The following ASTN2 variants were observed in gnomAD, a reference collection of about 807,000 sequenced individuals.
The protein encoded by ASTN2 is astrotactin 2.
A neutral mutation model predicts 139.8 loss-of-function variants in ASTN2; 54 were observed. The ratio of observed to expected loss-of-function variants is 0.39; its 90% CI spans 0.31 to 0.48. The LOEUF (loss-of-function observed/expected upper bound fraction) is 0.48, where lower values mean the gene tolerates loss of function less well. Among genes scored for constraint, ASTN2 ranks in the 20% least tolerant of loss-of-function variants. The pLI is 0.95. For missense variants in ASTN2, 1,565 were observed against 1,725.1 expected (o/e 0.91, Z 1.64); for synonymous variants, 756 against 719.5 (o/e 1.05, Z -0.81).
chr9:116,686,102 T>A (rs994708203), intron 16 of ASTN2, among the ~76,000 whole-genome samples: 2 of 152,236 alleles, frequency 1.3e-5, no homozygotes, highest in Non-Finnish European at 2.9e-5. Context: ...CAAACTACCA[T>A]AATCTTGGCT....
intron 6 of ASTN2, among the ~76,000 whole-genome samples, chr9:117,020,360 T>C (rs1230518698): frequency 6.6e-6 from 1 of 151,800 alleles, no homozygotes; most frequent in Non-Finnish European, 1.5e-5. Flanking sequence ...TTTTGGTCTC[T>C]AGCTAATTGC....
chr9:117,338,931 T>C lies in ASTN2; in HGVS notation c.443-47418A>G, dbSNP rs1485140700. 3.3e-5 allele frequency among the ~76,000 whole-genome samples: 5 copies of C among 152,208 alleles called. No homozygotes were observed. In the East Asian group the frequency reaches 9.7e-4, roughly 29 times the overall value. Reference sequence around the variant, plus strand: ...CGTAATTTTAGTCCCCCAGCTTTGATTGCTATCTCTCATCAACCACATGAG... The same window carrying C: ...CGTAATTTTAGTCCCCCAGCTTTGACTGCTATCTCTCATCAACCACATGAG... On this transcript the variant is annotated intron_variant, in intron 1 of 22. Transcript: ENST00000313400.
At chr9:117,258,526 G>A (rs1833745178) in intron 2 of ASTN2, among the ~76,000 whole-genome samples, 1 of 152,198 alleles carries the variant, frequency 6.6e-6, no homozygotes, top group Non-Finnish European at 1.5e-5. Context: ...ACCGGGTTAT[G>A]TAAGGGGAGC....
intron 1 of ASTN2, among the ~76,000 whole-genome samples, chr9:117,308,463 C>G (rs1267661049): frequency 6.6e-6 from 1 of 152,166 alleles, no homozygotes; most frequent in East Asian, 1.9e-4. Flanking sequence ...AGCACATCTG[C>G]TTGCCTCAAA....
At chr9:116,552,034 C>T (rs1033982578) in intron 19 of ASTN2, 1 of 152,176 alleles carries the variant, frequency 6.6e-6, no homozygotes, top group Non-Finnish European at 1.5e-5. Context: ...TATACATACA[C>T]ATATACATAT....
Position 117,107,021 on chromosome 9 carries a change from A to G in ASTN2, c.1169-10870T>C, listed in dbSNP as rs540734281. The stretch of plus-strand genomic sequence containing the variant: ...CTGGTGATTTTCTCTGAATATTGAG[A>G]TATTCTTCTTATCTTTTTTCCTTTT... On this transcript the variant is annotated intron_variant, in intron 4 of 22. Coordinates refer to ENST00000313400, the MANE Select transcript of ASTN2 (RefSeq NM_001365068.1). Among the ~76,000 whole-genome samples, 5 of 152,212 alleles carry G rather than the reference A, an allele frequency of 3.3e-5. No individual in the cohort carries two copies. In the South Asian group the frequency reaches 1.0e-3, roughly 32 times the overall value.
intron 19 of ASTN2, among the ~76,000 whole-genome samples, chr9:116,505,861 T>G (rs1025146836): frequency 6.6e-6 from 1 of 152,108 alleles, no homozygotes; most frequent in Admixed American, 6.5e-5. Flanking sequence ...ACATCCTCAG[T>G]CTGGAGCAGT....
intron 6 of ASTN2, among the ~76,000 whole-genome samples, chr9:117,015,975 C>G (rs1188788896): frequency 6.6e-6 from 1 of 152,072 alleles, no homozygotes; most frequent in Non-Finnish European, 1.5e-5. Flanking sequence ...TCCTTAACCA[C>G]CTCCCACCCA....
At chr9:116,509,922 G>A (rs1481490384) in intron 19 of ASTN2, among the ~76,000 whole-genome samples, 1 of 152,136 alleles carries the variant, frequency 6.6e-6, no homozygotes, top group Non-Finnish European at 1.5e-5. Context: ...TGTCAGACAG[G>A]TAGATTGCAA....
chr9:117,344,647 G>A (rs188937549), intron 1 of ASTN2, among the ~76,000 whole-genome samples: 49 of 152,238 alleles, frequency 3.2e-4, no homozygotes, highest in African/African-American at 9.1e-4. Context: ...TTTCTCTTAT[G>A]CAATTCATCT....
At chr9:116,712,104 A>G (rs1039877768) in intron 16 of ASTN2, among the ~76,000 whole-genome samples, 1 of 152,164 alleles carries the variant, frequency 6.6e-6, no homozygotes, top group Non-Finnish European at 1.5e-5. Flanking sequence ...TTCTAGGTTT[A>G]TCTTACCACC....
At position 116,863,752 on chromosome 9, in the gene ASTN2, G is replaced by T. The variant is rs1272109748; in HGVS notation, c.1890-19C>A. The T allele has an allele frequency of 2.5e-6, 4 of 1,596,266 alleles. No homozygotes were observed. Among genetic ancestry groups the T allele is most frequent in the Non-Finnish European group, 2.6e-6 (3 of 1,167,958 alleles). On this transcript the variant is annotated intron_variant, in intron 10 of 22. Transcript: ENST00000313400. ...TTCTTCCCTTGGAGAGAAAGGGGAT[G>T]GTTAAACCCCAGAGACATTTGGATC...
intron 1 of ASTN2, among the ~76,000 whole-genome samples, chr9:117,310,004 C>A (rs1392901908): frequency 1.3e-5 from 2 of 152,148 alleles, no homozygotes; most frequent in East Asian, 3.9e-4. Context: ...CTTTTCCTTT[C>A]TGAGCCTGTT....
intron 5 of ASTN2, among the ~76,000 whole-genome samples, chr9:117,077,658 G>A (rs997193841): frequency 3.9e-5 from 6 of 152,164 alleles, no homozygotes; most frequent in Admixed American, 3.3e-4. Context: ...TGAGGCAAGA[G>A]AATCGCTTGA....
At chr9:117,246,225 A>G (rs1318503716) in intron 2 of ASTN2, among the ~76,000 whole-genome samples, 1 of 152,254 alleles carries the variant, frequency 6.6e-6, no homozygotes, top group Admixed American at 6.5e-5. Flanking sequence ...TTGAAGGTAC[A>G]GAAAGAAGCA....
At chr9:117,252,574 C>A (rs925046606) in intron 2 of ASTN2, among the ~76,000 whole-genome samples, 1 of 152,062 alleles carries the variant, frequency 6.6e-6, no homozygotes, top group Admixed American at 6.5e-5. Context: ...TGCACAAGGT[C>A]ATTAAATTAA....
intron 19 of ASTN2, among the ~76,000 whole-genome samples, chr9:116,607,252 T>A (rs953982081): frequency 6.6e-6 from 1 of 152,174 alleles, no homozygotes; most frequent in African/African-American, 2.4e-5. Flanking sequence ...TTCAGTGAAC[T>A]GAACATCCAT....
Position 116,425,661 on chromosome 9 carries a change from A to G in ASTN2, c.*190T>C. ...AATAAAAGATAGAGAAAAATGAATA[A>G]TTCCATTGGTTACAAAGGTCTCTGT... is the stretch of plus-strand genomic sequence containing the variant. On this transcript the variant is annotated 3_prime_UTR_variant, in exon 23 of 23. Transcript: ENST00000313400. 6.2e-7 allele frequency: 1 copy of G among 1,610,172 alleles called. No individual in the cohort carries two copies. The highest frequency in any genetic ancestry group is 8.5e-7 in the Non-Finnish European group (1 of 1,178,522).
chr9:117,036,391 C>T (rs1422971842), intron 6 of ASTN2, among the ~76,000 whole-genome samples: 4 of 152,106 alleles, frequency 2.6e-5, no homozygotes, highest in African/African-American at 9.7e-5. Flanking sequence ...ATTATATTTT[C>T]TTATTTTCTG....
Sources: allele counts gnomAD v4.1 joint callset (sites outside exome capture counted in the v4.1 genomes callset), GRCh38; gene constraint gnomAD v4.1.1; transcripts MANE v1.5; gene names NCBI Gene and HGNC (gene_info 2026-07-23, HGNC 2026-07-21).